ZNF487: variants seen among roughly 807,000 people sequenced by gnomAD.
ZNF487 encodes the protein KRAB domain only 1.
In ZNF487, 4 loss-of-function variants were observed where a neutral mutation model predicts 3.0. That is an observed-to-expected ratio of 1.35 (90% CI 0.66 to 3.08). The LOEUF (loss-of-function observed/expected upper bound fraction) is 3.08, where lower values mean the gene tolerates loss of function less well. Ranked by LOEUF, ZNF487 falls within the 30% of genes most tolerant of loss-of-function variation. The probability of loss-of-function intolerance (pLI) is 0.01; values close to 1 mark genes in which losing one functional copy is unlikely to be tolerated. For synonymous variants in ZNF487, 55 were observed against 34.6 expected (o/e 1.59, Z -2.06); for missense variants, 146 against 98.7 (o/e 1.48, Z -2.03).
chr10:43,444,802 A>T (rs1839740471), intron 1 of ZNF487, among the ~76,000 whole-genome samples: 1 of 152,076 alleles, frequency 6.6e-6, no homozygotes, highest in Non-Finnish European at 1.5e-5. Context: ...TCCAGAGCTG[A>T]AGTGATCCTC....
chr10:43,484,235 C>A (rs891584886), downstream of ZNF487, among the ~76,000 whole-genome samples: 3 of 152,128 alleles, frequency 2.0e-5, no homozygotes, highest in African/African-American at 7.2e-5. Flanking sequence ...ACTATTTCTG[C>A]CTCATTTGAA....
chr10:43,491,229 C>G, the ZNF487 span, among the ~76,000 whole-genome samples: 1 of 151,776 alleles, frequency 6.6e-6, no homozygotes, highest in Non-Finnish European at 1.5e-5. Flanking sequence ...CCGCCTCAGC[C>G]TCCCAAAGTA....
At chr10:43,438,687 C>T (rs1839470735) in intron 1 of ZNF487, among the ~76,000 whole-genome samples, 1 of 152,120 alleles carries the variant, frequency 6.6e-6, no homozygotes, top group South Asian at 2.1e-4. Context: ...TTCATAGCAG[C>T]ATTATTTGCA....
chr10:43,474,537 C>T (rs1281891511), intron 1 of ZNF487, among the ~76,000 whole-genome samples: 6 of 152,056 alleles, frequency 3.9e-5, no homozygotes, highest in African/African-American at 1.4e-4. Flanking sequence ...TGAATGTACT[C>T]CAGCATGGGC....
At chr10:43,509,074 A>C in the ZNF487 span, among the ~76,000 whole-genome samples, 1 of 151,756 alleles carries the variant, frequency 6.6e-6, no homozygotes. Context: ...CACACCTGTA[A>C]TCCCAGCTAC....
chr10:43,521,947 T>C, the ZNF487 span, among the ~76,000 whole-genome samples: 1 of 152,082 alleles, frequency 6.6e-6, no homozygotes, highest in Non-Finnish European at 1.5e-5. Flanking sequence ...TACAAGACTG[T>C]TTATGAAATA....
chr10:43,499,159 C>T, the ZNF487 span, among the ~76,000 whole-genome samples: 4 of 152,158 alleles, frequency 2.6e-5, no homozygotes, highest in African/African-American at 4.8e-5. Flanking sequence ...AAGCAAAACA[C>T]TATCACTTTC....
At chr10:43,522,169 T>C in the ZNF487 span, among the ~76,000 whole-genome samples, 1 of 152,214 alleles carries the variant, frequency 6.6e-6, no homozygotes, top group Admixed American at 6.5e-5. Context: ...AGTTTTCTTT[T>C]GCACATGGAA....
intron 1 of ZNF487, among the ~76,000 whole-genome samples, chr10:43,470,060 C>A (rs1339078560): frequency 6.6e-6 from 1 of 152,136 alleles, no homozygotes; most frequent in Non-Finnish European, 1.5e-5. Context: ...CATGGGAAAC[C>A]AACATACTCG....
At chr10:43,478,998 T>A (rs1362834957) in intron 3 of ZNF487, among the ~76,000 whole-genome samples, 1 of 150,360 alleles carries the variant, frequency 6.7e-6, no homozygotes, top group East Asian at 1.9e-4. Flanking sequence ...TCAAAAAAAT[T>A]TTTTTTCTAA....
At chr10:43,461,151 C>T (rs1399976860) in intron 1 of ZNF487, among the ~76,000 whole-genome samples, 8 of 151,970 alleles carry the variant, frequency 5.3e-5, no homozygotes, top group East Asian at 3.9e-4. Context: ...GGATTATAGG[C>T]GTTAGCCACC....
the ZNF487 span, among the ~76,000 whole-genome samples, chr10:43,521,162 T>C: frequency 6.6e-6 from 1 of 152,214 alleles, no homozygotes; most frequent in Non-Finnish European, 1.5e-5. Flanking sequence ...TATTGAATCA[T>C]TGCTCCCAGA....
intron 1 of ZNF487, among the ~76,000 whole-genome samples, chr10:43,459,285 A>G (rs906586232): frequency 6.6e-6 from 1 of 151,838 alleles, no homozygotes; most frequent in Non-Finnish European, 1.5e-5. Context: ...GCTAGAGTGC[A>G]GTGGCATGGT....
At chr10:43,484,160 C>G (rs1418652734), downstream of ZNF487, among the ~76,000 whole-genome samples, 1 of 152,188 alleles carries the variant, frequency 6.6e-6, no homozygotes, top group Non-Finnish European at 1.5e-5. Context: ...TGAGCCACCA[C>G]ACCCGGCCTT....
chr10:43,437,347 G>A (rs916701916), intron 1 of ZNF487, 85 bp downstream of exon 1: 3 of 165,570 alleles, frequency 1.8e-5, no homozygotes, highest in Non-Finnish European at 2.7e-5. Flanking sequence ...CCCGCTGGGG[G>A]TGGGGACCGT....
intron 1 of ZNF487, among the ~76,000 whole-genome samples, chr10:43,443,975 C>T (rs545837442): frequency 1.4e-4 from 22 of 151,756 alleles, no homozygotes; most frequent in Admixed American, 4.6e-4. Flanking sequence ...GCCTCAGCCT[C>T]CTGAGTAACT....
At chr10:43,497,857 T>C in the ZNF487 span, among the ~76,000 whole-genome samples, 14 of 150,454 alleles carry the variant, frequency 9.3e-5, no homozygotes, top group Non-Finnish European at 1.9e-4. Context: ...GTCCCAGCTA[T>C]TCCGGAGGCT....
At chr10:43,436,916 T>G (rs1193239561), upstream of ZNF487, 1 of 468,768 alleles carries the variant, frequency 2.1e-6, no homozygotes, top group Admixed American at 2.4e-5. Context: ...CTGCGCCGTG[T>G]CTTCCTGAAG....
intron 3 of ZNF487, among the ~76,000 whole-genome samples, chr10:43,477,095 A>G (rs929338447): frequency 6.6e-6 from 1 of 152,184 alleles, no homozygotes; most frequent in African/African-American, 2.4e-5. Context: ...TGGATATAAA[A>G]CAATAAAAAT....
Sources: gnomAD v4.1 joint callset for allele counts (sites outside exome capture counted in the v4.1 genomes callset) on GRCh38, gnomAD v4.1.1 for gene constraint, MANE v1.5 for transcripts, NCBI Gene and HGNC (gene_info 2026-07-23, HGNC 2026-07-21) for gene names.